The following SLC45A4 variants were observed in gnomAD, a reference collection of about 807,000 sequenced individuals.
The protein encoded by SLC45A4 is polyamine-transporter SLC45A4.
In SLC45A4, 32 loss-of-function variants were observed where a neutral mutation model predicts 63.7. The ratio of observed to expected loss-of-function variants is 0.50; its 90% CI spans 0.38 to 0.67. SLC45A4 has a LOEUF of 0.67. Ranked by LOEUF, SLC45A4 falls within the 30% of genes least tolerant of loss-of-function variation. SLC45A4 has a pLI of 0.00. For synonymous variants in SLC45A4, 535 were observed against 510.0 expected (o/e 1.05, Z -0.66); for missense variants, 1,027 against 1,157.7 (o/e 0.89, Z 1.64).
At chr8:141,224,141 C>T (rs1310834920) in intron 2 of SLC45A4, 1 of 152,196 alleles carries the variant, frequency 6.6e-6, no homozygotes, top group African/African-American at 2.4e-5. Flanking sequence ...GTTAATTCCT[C>T]CCAGCCCAGA....
chr8:141,281,869 C>T (rs564093340), intron 1 of SLC45A4, among the ~76,000 whole-genome samples: 9 of 152,206 alleles, frequency 5.9e-5, no homozygotes, highest in South Asian at 2.1e-4. Context: ...ATAAGTGTTT[C>T]GCACTGGTTA....
intron 2 of SLC45A4, chr8:141,224,770 C>A (rs898621685): frequency 6.6e-6 from 1 of 152,300 alleles, no homozygotes; most frequent in Non-Finnish European, 1.5e-5. Flanking sequence ...GTTTTACATC[C>A]CATTCTCTAT....
At chr8:141,216,615 G>A (rs560320080) in intron 6 of SLC45A4, among the ~76,000 whole-genome samples, 2 of 152,314 alleles carry the variant, frequency 1.3e-5, no homozygotes, top group South Asian at 2.1e-4. Context: ...AGGCCAGCCC[G>A]ATTCACACTC....
At chr8:141,285,945 T>G (rs1435254489) in intron 1 of SLC45A4, among the ~76,000 whole-genome samples, 1 of 152,116 alleles carries the variant, frequency 6.6e-6, no homozygotes, top group African/African-American at 2.4e-5. Context: ...TTGACACTGT[T>G]CCTCAGGAGA....
chr8:141,244,646 G>A (rs965509528), intron 2 of SLC45A4, among the ~76,000 whole-genome samples: 13 of 152,186 alleles, frequency 8.5e-5, no homozygotes, highest in African/African-American at 3.1e-4. Context: ...CCAGGCGGAT[G>A]TGAGCAGTAA....
In SLC45A4 at chr8:141,218,737, G is replaced by A; in HGVS notation, c.903C>T (p.Asp301=). 3 of 1,612,558 alleles carry A rather than the reference G, an allele frequency of 1.9e-6. No individual in the cohort carries two copies. Among genetic ancestry groups the A allele is most frequent in the Non-Finnish European group, 2.5e-6 (3 of 1,179,260 alleles). Residue 301 remains aspartate, a synonymous_variant, in exon 5 of 9, where the codon GAC becomes GAT. Coordinates refer to ENST00000517878, the MANE Select transcript of SLC45A4 (RefSeq NM_001286646.2). The part of the protein sequence containing the change: ...HELALDYPDV[D]IMRSKSDSAL... ...CCGAGTCGCTTTTGCTGCGCATGAT[G>A]TCCACGTCCGGGTAGTCCAGGGCCA...
chr8:141,233,081 G>A (rs957537761), intron 2 of SLC45A4, among the ~76,000 whole-genome samples: 2 of 152,220 alleles, frequency 1.3e-5, no homozygotes, highest in Non-Finnish European at 2.9e-5. Flanking sequence ...CTAAGTGCGC[G>A]TTAACTTTGC....
chr8:141,247,888 T>C (rs2154614581), intron 2 of SLC45A4, among the ~76,000 whole-genome samples: 1 of 152,344 alleles, frequency 6.6e-6, no homozygotes, highest in South Asian at 2.1e-4. Flanking sequence ...TGCCATGGAT[T>C]TCAATGGGAA....
rs988563514 is a variant in SLC45A4 at position 141,215,138 on chromosome 8, A to G, written c.1941+621T>C. On this transcript the variant is annotated intron_variant, in intron 7 of 8. Transcript: ENST00000517878. The surrounding 1 kb of genome is among the most constrained non-coding windows in gnomAD (Gnocchi z 4.3). ...GAAGCCAGATGTTTCAGCTGCATAA[A>G]GTCCAGAAAGAGGCAAGAGTCTGCC... 3.9e-5 allele frequency among the ~76,000 whole-genome samples: 6 copies of G among 152,248 alleles called. No individual in the cohort carries two copies. The highest frequency in any genetic ancestry group is 1.4e-4 in the African/African-American group (6 of 41,470).
At chr8:141,275,934 A>G (rs1447798716) in intron 1 of SLC45A4, among the ~76,000 whole-genome samples, 1 of 146,536 alleles carries the variant, frequency 6.8e-6, no homozygotes, top group Non-Finnish European at 1.5e-5. Context: ...TTTTTTTGAG[A>G]TGGGGTCTTA....
At chr8:141,281,672 C>CA (rs1427780420) in intron 1 of SLC45A4, among the ~76,000 whole-genome samples, 2 of 152,096 alleles carry the variant, frequency 1.3e-5, no homozygotes, top group African/African-American at 2.4e-5. Context: ...CTGAAAGAGA[C>CA]AAAAAACACA....
At chr8:141,242,481 G>A (rs13257363) in intron 2 of SLC45A4, among the ~76,000 whole-genome samples, 49,658 of 151,978 alleles carry the variant, frequency 0.33, 8,968 homozygotes, top group Non-Finnish European at 0.41. Context: ...TTAGAAACGC[G>A]GGCTCCAGTA....
Position 141,215,912 on chromosome 8 carries a change from C to A in SLC45A4, c.1788G>T (p.Leu596=). The A allele has an allele frequency of 6.2e-7, 1 of 1,614,138 alleles. No homozygotes were observed. Among genetic ancestry groups the A allele is most frequent in the Non-Finnish European group, 8.5e-7 (1 of 1,180,012 alleles). Residue 596 remains leucine, a synonymous_variant, in exon 7 of 9, where the codon CTG becomes CTT. Coordinates refer to ENST00000517878, the MANE Select transcript of SLC45A4 (RefSeq NM_001286646.2). This position sits in a 1 kb window ranked among gnomAD's most constrained non-coding sequence, Gnocchi z 4.3. ...YDLSVRVIYV[L]GTLGFSVGTA... ...TGCCGACAGAGAAGCCCAGCGTCCC[C>A]AGCACGTAGATCACCCTGACGCTCA...
chr8:141,306,741 C>T (rs1219537531), intron 1 of SLC45A4, among the ~76,000 whole-genome samples: 3 of 152,244 alleles, frequency 2.0e-5, no homozygotes, highest in East Asian at 3.8e-4. Context: ...ATGAGACCGT[C>T]TGGGGAATGG....
chr8:141,246,610 G>GA (rs1407707348), intron 2 of SLC45A4, among the ~76,000 whole-genome samples: 2 of 151,808 alleles, frequency 1.3e-5, no homozygotes, highest in Non-Finnish European at 2.9e-5. Context: ...TACTCAAGGG[G>GA]AGGGCATTGC....
At chr8:141,291,253 A>C (rs1230626101) in intron 1 of SLC45A4, among the ~76,000 whole-genome samples, 1 of 152,172 alleles carries the variant, frequency 6.6e-6, no homozygotes, top group African/African-American at 2.4e-5. Context: ...TACAGCTTTC[A>C]CCACATCTCC....
chr8:141,293,256 C>T (rs1830423515), intron 1 of SLC45A4, among the ~76,000 whole-genome samples: 1 of 152,034 alleles, frequency 6.6e-6, no homozygotes, highest in African/African-American at 2.4e-5. Flanking sequence ...GGTTCGAGAC[C>T]AGCCTGGCCA....
chr8:141,242,821 C>T (rs890744139), intron 2 of SLC45A4, among the ~76,000 whole-genome samples: 1 of 152,194 alleles, frequency 6.6e-6, no homozygotes, highest in Non-Finnish European at 1.5e-5. Flanking sequence ...TACCACCATC[C>T]TGGGTTTATA....
In SLC45A4 at chr8:141,214,176, A is replaced by T. The variant is rs146022300; in HGVS notation, c.1941+1583T>A. On this transcript the variant is annotated intron_variant, in intron 7 of 8. Coordinates refer to ENST00000517878, the MANE Select transcript of SLC45A4 (RefSeq NM_001286646.2). ...CACTGCACTCCAGCCTGGGCGACAG[A>T]TCGAGACTCTGTCTCCAAAAAAAAA... Among the ~76,000 whole-genome samples, 1,148 of 149,154 alleles carry T rather than the reference A, an allele frequency of 7.7e-3. 18 individuals carry two copies. The highest frequency in any genetic ancestry group is 0.028 in the African/African-American group (1,104 of 39,934).
Sources: allele counts gnomAD v4.1 joint callset (sites outside exome capture counted in the v4.1 genomes callset), GRCh38; gene constraint gnomAD v4.1.1; non-coding constraint Gnocchi (gnomAD v3.1); transcripts MANE v1.5; gene names NCBI Gene and HGNC (gene_info 2026-07-23, HGNC 2026-07-21).